GDAP2: variants seen among roughly 807,000 people sequenced by gnomAD.
GDAP2 encodes the protein ganglioside-induced differentiation-associated protein 2.
In GDAP2, 51 loss-of-function variants were observed where a neutral mutation model predicts 67.0. The ratio of observed to expected loss-of-function variants is 0.76; its 90% CI spans 0.61 to 0.96. The LOEUF is 0.96. GDAP2 is among the 40% of genes least tolerant of loss of function. The probability of loss-of-function intolerance (pLI) is 0.00; values close to 1 mark genes in which losing one functional copy is unlikely to be tolerated. For synonymous variants in GDAP2, 203 were observed against 207.3 expected, an observed-to-expected ratio of 0.98 and a Z score of 0.18; for missense variants, 547 against 588.3, an observed-to-expected ratio of 0.93 and a Z score of 0.73.
chr1:117,925,193 C>T (rs1413201025), intron 1 of GDAP2, among the ~76,000 whole-genome samples: 3 of 152,134 alleles, frequency 2.0e-5, no homozygotes, highest in African/African-American at 7.2e-5. Flanking sequence ...TGGCTCACAC[C>T]TGTAATCCCA....
At chr1:117,889,472 C>G (rs528496780) in intron 8 of GDAP2, among the ~76,000 whole-genome samples, 1 of 152,114 alleles carries the variant, frequency 6.6e-6, no homozygotes, top group East Asian at 1.9e-4. Flanking sequence ...TCCCCAATCC[C>G]ACCCCAATAC....
At chr1:117,871,495 T>C (rs1034708208) in intron 13 of GDAP2, among the ~76,000 whole-genome samples, 4 of 152,208 alleles carry the variant, frequency 2.6e-5, no homozygotes, top group African/African-American at 7.2e-5. Flanking sequence ...AGACAATAGT[T>C]TGAAATGAAG....
In GDAP2 at chr1:117,875,235, G is replaced by A. The variant is rs556924464; in HGVS notation, c.1446+2774C>T. On this transcript the variant is annotated intron_variant, in intron 13 of 13. Transcript: ENST00000369443. ...TAGGAAGACAGAATGGTTTGGGAGC[G>A]ACAAGGCTTTAACACTTCAGGATGC... 2.8e-3 allele frequency among the ~76,000 whole-genome samples: 421 copies of A among 152,270 alleles called. 1 individual carries two copies. Among genetic ancestry groups the A allele is most frequent in the African/African-American group, 9.9e-3 (413 of 41,566 alleles).
At chr1:117,922,895 C>G (rs189816361) in intron 1 of GDAP2, among the ~76,000 whole-genome samples, 142 of 152,218 alleles carry the variant, frequency 9.3e-4, no homozygotes, top group African/African-American at 3.3e-3. Context: ...TTGCAGGAGA[C>G]TAGGGCATGT....
chr1:117,870,809 GATC>G (rs1648232826), intron 13 of GDAP2, among the ~76,000 whole-genome samples, 193 bp from the exon 14 acceptor site: 1 of 152,086 alleles, frequency 6.6e-6, no homozygotes, highest in African/African-American at 2.4e-5. Context: ...AAGGCAATAG[GATC>G]ATAATATTTT....
At chr1:117,927,499 G>A (rs1207667268) in intron 1 of GDAP2, among the ~76,000 whole-genome samples, 1 of 152,148 alleles carries the variant, frequency 6.6e-6, no homozygotes, top group Admixed American at 6.5e-5. Flanking sequence ...ACAGTACAAA[G>A]AGAGCTGGTG....
In GDAP2 at chr1:117,865,057, G is replaced by A. The variant is rs182259711; in HGVS notation, c.*5512C>T. 4 of 152,230 alleles carry A rather than the reference G, an allele frequency of 2.6e-5. No homozygotes were observed. The East Asian group carries it at 7.7e-4, about 29-fold the overall frequency. 9.4% of individuals were successfully genotyped at this position (152,230 alleles called of 1,614,324 possible). ...TTGTTAGAAACTGATAATCCCAGAG[G>A]CCACCCCAGAACTATTGAATCTGAA... On this transcript the variant is annotated 3_prime_UTR_variant, in exon 14 of 14. Transcript: ENST00000369443.
rs531288339 is a variant in GDAP2, at chr1:117,870,433, C to A, written c.*136G>T. ...GCTTATGTGCCAGAAAATATACAGT[C>A]AATAAAAAAATACCAGAGAGGTGGG... On this transcript the variant is annotated 3_prime_UTR_variant, in exon 14 of 14. Coordinates refer to ENST00000369443, the MANE Select transcript of GDAP2 (RefSeq NM_017686.4). 44 of 676,916 alleles carry A rather than the reference C, an allele frequency of 6.5e-5. No individual in the cohort carries two copies. In the South Asian group the frequency reaches 7.7e-4, roughly 12 times the overall value. 41.9% of individuals were successfully genotyped at this position (676,916 alleles called of 1,614,324 possible). A position where few individuals can be genotyped will look rare whatever the true frequency, so the allele number is the denominator to read the frequency against.
intron 6 of GDAP2, among the ~76,000 whole-genome samples, chr1:117,901,025 A>G (rs1649451224): frequency 6.6e-6 from 1 of 152,102 alleles, no homozygotes; most frequent in Non-Finnish European, 1.5e-5. Flanking sequence ...GTGCCACTCT[A>G]CTCCAGCCTG....
chr1:117,870,620 TG>T lies in GDAP2; in HGVS notation c.1447-5del. Reference sequence around the variant, plus strand: ...ATGTATAGTAAGGCCCGTTTTCCTGTGGAAAGAAAAAAGGAGAAGAACATTT... The same window carrying T: ...ATGTATAGTAAGGCCCGTTTTCCTGTGAAAGAAAAAAGGAGAAGAACATTT... On this transcript the variant is annotated splice_polypyrimidine_tract_variant and splice_region_variant and intron_variant, in intron 13 of 13. Transcript: ENST00000369443. 1 of 1,587,722 alleles carries T rather than the reference TG, an allele frequency of 6.3e-7. No homozygotes were observed. Among genetic ancestry groups the T allele is most frequent in the Non-Finnish European group, 8.6e-7 (1 of 1,157,334 alleles).
At chr1:117,882,120 C>A (rs986810104) in intron 11 of GDAP2, among the ~76,000 whole-genome samples, 1 of 151,904 alleles carries the variant, frequency 6.6e-6, no homozygotes, top group African/African-American at 2.4e-5. Context: ...ATAGGTAGGA[C>A]AAAGTTAAGT....
intron 7 of GDAP2, 105 bp from the exon 8 acceptor site, chr1:117,897,094 G>A: frequency 1.4e-6 from 1 of 695,942 alleles, no homozygotes; most frequent in Non-Finnish European, 2.3e-6. Context: ...CAAAAAACTG[G>A]GGTCAAGGTT....
At position 117,920,200 on chromosome 1, in the gene GDAP2, T is replaced by C. The variant is rs1650195995; in HGVS notation, c.158A>G (p.Asn53Ser). 2.0e-5 allele frequency: 32 copies of C among 1,600,708 alleles called. No homozygotes were observed. The highest frequency in any genetic ancestry group is 4.0e-5 in the African/African-American group (3 of 74,562). ...RSPFLYNKDV[N>S]GKVVLWKGDV... The stretch of plus-strand genomic sequence containing the variant: ...AAATTACCAAAGAACCACTTTTCCA[T>C]TGACGTCCTTATTATAAAGAAAAGG... Residue 53 changes from asparagine (N) to serine (S), a missense_variant, in exon 2 of 14, where the codon AAT becomes AGT. Coordinates refer to ENST00000369443, the MANE Select transcript of GDAP2 (RefSeq NM_017686.4).
chr1:117,923,668 CT>C (rs1407418383), intron 1 of GDAP2, among the ~76,000 whole-genome samples: 1 of 152,186 alleles, frequency 6.6e-6, no homozygotes, highest in Non-Finnish European at 1.5e-5. Context: ...GGGAACACCC[CT>C]AGAACCACCA....
At chr1:117,876,920 C>T (rs1648476388) in intron 13 of GDAP2, among the ~76,000 whole-genome samples, 1 of 152,080 alleles carries the variant, frequency 6.6e-6, no homozygotes, top group Non-Finnish European at 1.5e-5. Flanking sequence ...TGCTTAGTGC[C>T]TTTCACATTT....
intron 2 of GDAP2, among the ~76,000 whole-genome samples, chr1:117,919,742 T>C (rs1650176146): frequency 6.6e-6 from 1 of 152,336 alleles, no homozygotes; most frequent in Admixed American, 6.5e-5. Context: ...GAACTACTAC[T>C]GATACACACA....
At chr1:117,924,860 C>T (rs550092501) in intron 1 of GDAP2, among the ~76,000 whole-genome samples, 12 of 152,122 alleles carry the variant, frequency 7.9e-5, no homozygotes, top group Non-Finnish European at 1.3e-4. Context: ...TTGAAATAGA[C>T]AAGCTGAACA....
chr1:117,927,110 A>G (rs1220405138), intron 1 of GDAP2, among the ~76,000 whole-genome samples: 6 of 152,192 alleles, frequency 3.9e-5, no homozygotes, highest in Admixed American at 3.9e-4. Context: ...CCATATCCAT[A>G]TGATCTTCAG....
intron 8 of GDAP2, among the ~76,000 whole-genome samples, chr1:117,889,460 T>A (rs1018819883): frequency 6.6e-6 from 1 of 152,056 alleles, no homozygotes; most frequent in Admixed American, 6.6e-5. Flanking sequence ...TTGACCAACA[T>A]CTCCCCAATC....
Sources: allele counts gnomAD v4.1 joint callset (sites outside exome capture counted in the v4.1 genomes callset), GRCh38; gene constraint gnomAD v4.1.1; transcripts MANE v1.5; gene names NCBI Gene and HGNC (gene_info 2026-07-23, HGNC 2026-07-21).